TIAM1: variants seen among roughly 807,000 people sequenced by gnomAD.
TIAM1 encodes TIAM Rac1 associated GEF 1.
Under a neutral mutation model 163.5 loss-of-function variants are expected in TIAM1, and 65 were observed. The observed-to-expected ratio is 0.40, with a 90% CI of 0.33 to 0.49. TIAM1 has a LOEUF of 0.49. Among genes scored for constraint, TIAM1 ranks in the 20% least tolerant of loss-of-function variants. The pLI is 0.77. For synonymous variants in TIAM1, 833 were observed against 810.1 expected (o/e 1.03, Z -0.48); for missense variants, 1,789 against 2,044.7 (o/e 0.87, Z 2.41).
At chr21:31,250,160 A>G (rs1174674347) in intron 5 of TIAM1, among the ~76,000 whole-genome samples, 2 of 147,732 alleles carry the variant, frequency 1.4e-5, no homozygotes, top group South Asian at 2.1e-4. Flanking sequence ...AGAAAAAAAA[A>G]AAAAAAAAAA....
rs1013645971 is a variant in TIAM1, at chr21:31,136,986, C to T, written c.3775-945G>A. ...ATCCCAAGAGACCATGAGGTTTAGT[C>T]GCTCACCCCCAGCGGTCACACGCTA... On this transcript the variant is annotated intron_variant, in intron 22 of 27. Transcript: ENST00000541036. Among the ~76,000 whole-genome samples, 3 of 152,310 alleles carry T rather than the reference C, an allele frequency of 2.0e-5. No homozygotes were observed. In the South Asian group the frequency reaches 6.2e-4, roughly 32 times the overall value.
rs76352117 is a variant in TIAM1, at chr21:31,319,290, C to T, written c.-189+19953G>A. On this transcript the variant is annotated intron_variant, in intron 2 of 27. Coordinates refer to ENST00000541036, the MANE Select transcript of TIAM1 (RefSeq NM_001353694.2). ...GTGTACAAGTGCATAGTTGAGTCCC[C>T]GTTTTCAATTCTTTTGGGCATATAC... Among the ~76,000 whole-genome samples the T allele has an allele frequency of 7.4e-3, 1,124 of 152,046 alleles. 9 individuals are homozygous for T. The highest frequency in any genetic ancestry group is 0.025 in the African/African-American group (1,034 of 41,492).
intron 16 of TIAM1, among the ~76,000 whole-genome samples, chr21:31,164,120 G>A (rs943483830): frequency 1.3e-5 from 2 of 152,218 alleles, no homozygotes; most frequent in Non-Finnish European, 1.5e-5. Context: ...GCCGGGTGCA[G>A]TGGCTCACGC....
chr21:31,285,823 T>A (rs974525918), intron 2 of TIAM1, among the ~76,000 whole-genome samples: 3 of 152,086 alleles, frequency 2.0e-5, no homozygotes, highest in Non-Finnish European at 4.4e-5. Flanking sequence ...ATCACACCAT[T>A]GCACTCCAGC....
chr21:31,197,006 C>A (rs1349867284), intron 12 of TIAM1, among the ~76,000 whole-genome samples: 2 of 151,968 alleles, frequency 1.3e-5, no homozygotes, highest in Non-Finnish European at 2.9e-5. Context: ...AAACCAAATA[C>A]CTTCTCACTT....
At chr21:31,150,302 T>C (rs2083318073) in intron 19 of TIAM1, among the ~76,000 whole-genome samples, 1 of 152,128 alleles carries the variant, frequency 6.6e-6, no homozygotes, top group African/African-American at 2.4e-5. Context: ...AAAAAACATA[T>C]ATTGAGGTAG....
At position 31,313,321 on chromosome 21, in the gene TIAM1, G is replaced by A. The variant is rs534678352; in HGVS notation, c.-189+25922C>T. Among the ~76,000 whole-genome samples, 4 of 152,222 alleles carry A rather than the reference G, an allele frequency of 2.6e-5. No homozygotes were observed. In the South Asian group the frequency reaches 8.3e-4, roughly 32 times the overall value. ...ATGGGGGTGAGGAGGAGTACACCAG[G>A]AAAATTGTTTAGCTCTTTGTGTGTT... On this transcript the variant is annotated intron_variant, in intron 2 of 27. Coordinates refer to ENST00000541036, the MANE Select transcript of TIAM1 (RefSeq NM_001353694.2).
intron 20 of TIAM1, among the ~76,000 whole-genome samples, chr21:31,144,240 G>A (rs1167480222): frequency 6.6e-6 from 1 of 152,226 alleles, no homozygotes; most frequent in East Asian, 1.9e-4. Flanking sequence ...GCCGGGCTGG[G>A]GGCCAGCATA....
At chr21:31,439,670 T>G (rs1312879403) in intron 2 of TIAM1, among the ~76,000 whole-genome samples, 1 of 151,602 alleles carries the variant, frequency 6.6e-6, no homozygotes, top group Non-Finnish European at 1.5e-5. Context: ...GACCAGTCAT[T>G]AATATGTATA....
At chr21:31,556,769 T>C (rs376664337) in intron 1 of TIAM1, among the ~76,000 whole-genome samples, 1 of 152,362 alleles carries the variant, frequency 6.6e-6, no homozygotes, top group East Asian at 1.9e-4. Context: ...GTCAACAGCC[T>C]CTTCCTTAAG....
Position 31,387,193 on chromosome 21 carries a change from C to CTCTT in TIAM1, c.-368-47775_-368-47772dup, listed in dbSNP as rs1479755245. Among the ~76,000 whole-genome samples the CTCTT allele has an allele frequency of 6.5e-3, 524 of 80,398 alleles. 5 individuals carry two copies. Among genetic ancestry groups the CTCTT allele is most frequent in the African/African-American group, 0.024 (466 of 19,720 alleles). The allele number at this position is 80,398 out of a possible 152,430, so 52.7% of individuals were successfully genotyped here. A position where few individuals can be genotyped will look rare whatever the true frequency, so the allele number is the denominator to read the frequency against. On this transcript the variant is annotated intron_variant, in intron 2 of 28. Coordinates refer to the TIAM1 transcript ENST00000286827. ...GGGCTTTTGTTTGTAGAAGCTTATT[C>CTCTT]TCTTTTTTTTTTTTTTTTTTTTTTT...
chr21:31,322,171 T>C (rs957415518), intron 2 of TIAM1, among the ~76,000 whole-genome samples: 3 of 152,214 alleles, frequency 2.0e-5, no homozygotes, highest in African/African-American at 7.2e-5. Context: ...TAGCCATATA[T>C]TCTAGTGTTC....
chr21:31,246,017 G>A (rs2071483803), intron 5 of TIAM1, among the ~76,000 whole-genome samples: 1 of 152,144 alleles, frequency 6.6e-6, no homozygotes, highest in Admixed American at 6.5e-5. Flanking sequence ...ACTTTGCCTG[G>A]CACTATGTGA....
intron 1 of TIAM1, among the ~76,000 whole-genome samples, chr21:31,500,586 A>G (rs1752766718): frequency 6.6e-6 from 1 of 152,180 alleles, no homozygotes; most frequent in Non-Finnish European, 1.5e-5. Flanking sequence ...GGTCAAGTTA[A>G]GAAGAGGTCA....
At chr21:31,397,438 T>A (rs2077091768) in intron 2 of TIAM1, among the ~76,000 whole-genome samples, 1 of 152,164 alleles carries the variant, frequency 6.6e-6, no homozygotes, top group Non-Finnish European at 1.5e-5. Flanking sequence ...CCATTTTAAT[T>A]CCTTTGAAAA....
At chr21:31,172,325 CA>C (rs2084552579) in intron 15 of TIAM1, among the ~76,000 whole-genome samples, 1 of 146,386 alleles carries the variant, frequency 6.8e-6, no homozygotes, top group Non-Finnish European at 1.5e-5. Flanking sequence ...TAATCCCATA[CA>C]AACAGAGTTT....
chr21:31,157,515 C>G (rs2083681583), intron 16 of TIAM1, among the ~76,000 whole-genome samples: 1 of 151,988 alleles, frequency 6.6e-6, no homozygotes, highest in Admixed American at 6.5e-5. Flanking sequence ...TTTTCCAACC[C>G]ACTTATTCCA....
intron 4 of TIAM1, among the ~76,000 whole-genome samples, chr21:31,255,768 A>G (rs1187881038): frequency 6.6e-6 from 1 of 152,238 alleles, no homozygotes; most frequent in Non-Finnish European, 1.5e-5. Context: ...AACATGGTTC[A>G]TGATCTAGCT....
chr21:31,266,821 T>A lies in TIAM1; in HGVS notation c.152A>T (p.Asn51Ile), dbSNP rs370815497. Residue 51 changes from asparagine (N) to isoleucine (I), a missense_variant, in exon 4 of 28, where the codon AAC becomes ATC. Transcript: ENST00000541036. The part of the protein sequence containing the change: ...HASSGKVIHR[N>I]SEVSTRSSST... Reference sequence around the variant, plus strand: ...GCTGGATCGGGTGCTCACTTCGGAGTTCCTGTGGATCACCTTCCCCGAGGA... The same window carrying A: ...GCTGGATCGGGTGCTCACTTCGGAGATCCTGTGGATCACCTTCCCCGAGGA... The A allele has an allele frequency of 4.0e-5, 65 of 1,613,960 alleles. No individual in the cohort carries two copies. The highest frequency in any genetic ancestry group is 5.3e-5 in the Non-Finnish European group (62 of 1,180,022).
Sources: gnomAD v4.1 joint callset for allele counts (sites outside exome capture counted in the v4.1 genomes callset) on GRCh38, gnomAD v4.1.1 for gene constraint, MANE v1.5 for transcripts, NCBI Gene and HGNC (gene_info 2026-07-23, HGNC 2026-07-21) for gene names.